The following DOCK10 variants were observed in gnomAD, a reference collection of about 807,000 sequenced individuals.
The protein encoded by DOCK10 is dedicator of cytokinesis protein 10.
DOCK10 carries 145 observed loss-of-function variants against 280.1 expected under a neutral mutation model. That is an observed-to-expected ratio of 0.52 (90% CI 0.45 to 0.59). The LOEUF (loss-of-function observed/expected upper bound fraction) is 0.59. DOCK10 is among the 20% of genes least tolerant of loss of function. The probability of loss-of-function intolerance (pLI) is 0.00; values close to 1 mark genes in which losing one functional copy is unlikely to be tolerated. For synonymous variants in DOCK10, 915 were observed against 942.2 expected (o/e 0.97, Z 0.53); for missense variants, 2,368 against 2,651.7 (o/e 0.89, Z 2.35).
chr2:225,027,877 A>C (rs1425400093), intron 1 of DOCK10, among the ~76,000 whole-genome samples: 2 of 152,230 alleles, frequency 1.3e-5, no homozygotes, highest in Non-Finnish European at 2.9e-5. Context: ...GATAAAAGCT[A>C]AGGTCTATTA....
chr2:224,952,592 A>T (rs1000715333), intron 1 of DOCK10, among the ~76,000 whole-genome samples: 4 of 143,586 alleles, frequency 2.8e-5, no homozygotes, highest in East Asian at 2.0e-4. Flanking sequence ...CAATTATGTT[A>T]TTTTTTTTTT....
chr2:224,769,860 T>C (rs1690302863), intron 55 of DOCK10, among the ~76,000 whole-genome samples: 1 of 152,138 alleles, frequency 6.6e-6, no homozygotes, highest in Admixed American at 6.5e-5. Flanking sequence ...GGCCTCAGGG[T>C]TGTGAGGTCC....
chr2:224,844,717 A>G, intron 22 of DOCK10, 36 bp downstream of exon 22: 4 of 1,288,778 alleles, frequency 3.1e-6, no homozygotes, highest in Non-Finnish European at 4.4e-6. Context: ...GCTGTGAGTT[A>G]GAGAAGATGC....
chr2:224,795,970 A>G (rs1365283900), intron 44 of DOCK10, among the ~76,000 whole-genome samples: 1 of 152,174 alleles, frequency 6.6e-6, no homozygotes, highest in African/African-American at 2.4e-5. Context: ...AGAGCTGCTT[A>G]ACGATTCAAA....
At chr2:224,999,810 C>T (rs908788478) in intron 1 of DOCK10, among the ~76,000 whole-genome samples, 18 of 151,008 alleles carry the variant, frequency 1.2e-4, no homozygotes, top group African/African-American at 3.7e-4. Context: ...AAAGAAGCGG[C>T]GGTTCCAAGG....
chr2:224,776,688 A>G (rs1347573662), intron 51 of DOCK10, among the ~76,000 whole-genome samples: 2 of 151,982 alleles, frequency 1.3e-5, no homozygotes, highest in Non-Finnish European at 2.9e-5. Context: ...CATTGGGCAC[A>G]AACCACCTTT....
At chr2:224,801,622 G>A (rs543844649) in intron 40 of DOCK10, among the ~76,000 whole-genome samples, 1 of 152,282 alleles carries the variant, frequency 6.6e-6, no homozygotes, top group African/African-American at 2.4e-5. Context: ...CCCCACAGAG[G>A]AAGCAGTAAT....
At chr2:225,019,808 G>A (rs1689737923) in intron 1 of DOCK10, among the ~76,000 whole-genome samples, 1 of 152,094 alleles carries the variant, frequency 6.6e-6, no homozygotes, top group African/African-American at 2.4e-5. Flanking sequence ...ACAAAGCATG[G>A]TCTACTGATT....
At chr2:224,895,623 T>A (rs1699932124) in intron 4 of DOCK10, among the ~76,000 whole-genome samples, 1 of 152,124 alleles carries the variant, frequency 6.6e-6, no homozygotes, top group South Asian at 2.1e-4. Context: ...CAGGGAAAAG[T>A]CCCTGCCCTT....
At chr2:224,956,322 C>T (rs566260641) in intron 1 of DOCK10, among the ~76,000 whole-genome samples, 1 of 152,230 alleles carries the variant, frequency 6.6e-6, no homozygotes, top group South Asian at 2.1e-4. Context: ...AGTAATCTGG[C>T]TTTATAAAGA....
At chr2:225,015,093 T>A (rs1689554034) in intron 1 of DOCK10, among the ~76,000 whole-genome samples, 1 of 152,216 alleles carries the variant, frequency 6.6e-6, no homozygotes, top group South Asian at 2.1e-4. Flanking sequence ...GGGGTGCAGT[T>A]TGGAAGTGAC....
chr2:224,889,889 A>G (rs1475144312), intron 4 of DOCK10, among the ~76,000 whole-genome samples: 1 of 152,188 alleles, frequency 6.6e-6, no homozygotes, highest in African/African-American at 2.4e-5. Context: ...GTTGCCTGAG[A>G]TTCAGAGGAA....
chr2:224,841,184 G>T (rs1242105865), intron 23 of DOCK10, among the ~76,000 whole-genome samples: 1 of 152,094 alleles, frequency 6.6e-6, no homozygotes, highest in Admixed American at 6.5e-5. Context: ...GCACAACATG[G>T]TCACTATAGT....
intron 1 of DOCK10, among the ~76,000 whole-genome samples, chr2:224,935,792 A>G (rs936924512): frequency 1.3e-5 from 2 of 152,226 alleles, no homozygotes; most frequent in African/African-American, 4.8e-5. Flanking sequence ...GTCTACAAAG[A>G]GCAAATAGTA....
chr2:224,803,848 T>G (rs1160532817), intron 39 of DOCK10, among the ~76,000 whole-genome samples: 2 of 152,198 alleles, frequency 1.3e-5, no homozygotes, highest in African/African-American at 4.8e-5. Context: ...ATGCAAGGGA[T>G]TGTGCTCTAA....
At chr2:224,927,939 C>A (rs935714164) in intron 2 of DOCK10, among the ~76,000 whole-genome samples, 2 of 152,114 alleles carry the variant, frequency 1.3e-5, no homozygotes, top group African/African-American at 2.4e-5. Context: ...CTTGGAGCGG[C>A]CCCTCTCCTT....
In DOCK10 at chr2:224,805,662, C is replaced by T. The variant is rs1048744703; in HGVS notation, c.3815-133G>A. On this transcript the variant is annotated intron_variant, in intron 34 of 55. Coordinates refer to ENST00000258390, the MANE Select transcript of DOCK10 (RefSeq NM_014689.3). The surrounding 1 kb of genome is among the most constrained non-coding windows in gnomAD (Gnocchi z 4.3). ...GTGTTGTCAAAGACCAACATAACAG[C>T]GTCTGGGATTGGCATTAAAGCCAGC... The T allele has an allele frequency of 8.0e-5, 93 of 1,165,886 alleles. No individual in the cohort carries two copies. Among genetic ancestry groups the T allele is most frequent in the Non-Finnish European group, 9.3e-5 (78 of 839,136 alleles). The allele number at this position is 1,165,886 out of a possible 1,614,324, so 72.2% of individuals were successfully genotyped here. A position where few individuals can be genotyped will look rare whatever the true frequency, so the allele number is the denominator to read the frequency against.
chr2:224,970,927 C>G lies in DOCK10; in HGVS notation c.124-39259G>C, dbSNP rs765644315. Among the ~76,000 whole-genome samples, 1 of 152,168 alleles carries G rather than the reference C, an allele frequency of 6.6e-6. No individual in the cohort carries two copies. Among genetic ancestry groups the G allele is most frequent in the Non-Finnish European group, 1.5e-5 (1 of 68,028 alleles). ...TTAAAATTCTGCACATACCTTGGAA[C>G]TATAGCTCATTATTTCTGGATTAAG... On this transcript the variant is annotated intron_variant, in intron 1 of 55. Transcript: ENST00000258390. This position sits in a 1 kb window ranked among gnomAD's most constrained non-coding sequence, Gnocchi z 4.6.
At chr2:224,966,741 A>G (rs1704765193) in intron 1 of DOCK10, among the ~76,000 whole-genome samples, 1 of 152,248 alleles carries the variant, frequency 6.6e-6, no homozygotes, top group Non-Finnish European at 1.5e-5. Context: ...AATGGGCTAC[A>G]TATTAAGTTT....
Sources: gnomAD v4.1 joint callset for allele counts (sites outside exome capture counted in the v4.1 genomes callset) on GRCh38, gnomAD v4.1.1 for gene constraint, Gnocchi (gnomAD v3.1) non-coding constraint, MANE v1.5 for transcripts, NCBI Gene and HGNC (gene_info 2026-07-23, HGNC 2026-07-21) for gene names.